PPP6C: variants seen among roughly 807,000 people sequenced by gnomAD.
The protein encoded by PPP6C is serine/threonine-protein phosphatase 6 catalytic subunit.
A neutral mutation model predicts 39.8 loss-of-function variants in PPP6C; 11 were observed. The ratio of observed to expected loss-of-function variants is 0.28; its 90% confidence interval spans 0.17 to 0.46. The LOEUF (loss-of-function observed/expected upper bound fraction) is 0.46. Ranked by LOEUF, PPP6C falls within the 20% of genes least tolerant of loss-of-function variation. PPP6C has a pLI of 1.00. For synonymous variants in PPP6C, 129 were observed against 130.3 expected, an observed-to-expected ratio of 0.99 and a Z score of 0.07; for missense variants, 211 against 373.9, an observed-to-expected ratio of 0.56 and a Z score of 3.59.
intron 2 of PPP6C, among the ~76,000 whole-genome samples, chr9:125,170,206 A>G (rs1178953657): frequency 6.6e-6 from 1 of 151,738 alleles, no homozygotes; most frequent in African/African-American, 2.4e-5. Context: ...GAATCTAAAT[A>G]TGAGGTATGC....
intron 1 of PPP6C, among the ~76,000 whole-genome samples, chr9:125,176,431 G>T (rs148599628): frequency 6.6e-6 from 1 of 152,144 alleles, no homozygotes; most frequent in African/African-American, 2.4e-5. Context: ...CGAGGTGAGC[G>T]TATCACTTGA....
intron 6 of PPP6C, among the ~76,000 whole-genome samples, chr9:125,152,114 G>T (rs9644949): frequency 1.3e-5 from 2 of 152,048 alleles, no homozygotes; most frequent in Non-Finnish European, 2.9e-5. Flanking sequence ...TGGGGTAGGG[G>T]GTGGGGGGTG....
At chr9:125,167,715 A>ATT in intron 2 of PPP6C, among the ~76,000 whole-genome samples, 1 of 141,190 alleles carries the variant, frequency 7.1e-6, no homozygotes, top group Admixed American at 7.7e-5. Context: ...AAAAAAAAAA[A>ATT]TTTTTTTTTT....
intron 4 of PPP6C, 121 bp downstream of exon 4, chr9:125,158,120 G>A (rs1836125940): frequency 2.0e-6 from 2 of 1,003,188 alleles, no homozygotes; most frequent in Non-Finnish European, 2.9e-6. Context: ...TTTGGGAGGA[G>A]TGAAGGAGTG....
At chr9:125,174,863 G>A (rs945706131) in intron 1 of PPP6C, among the ~76,000 whole-genome samples, 1 of 151,902 alleles carries the variant, frequency 6.6e-6, no homozygotes, top group South Asian at 2.1e-4. Flanking sequence ...AGTGTGCCGA[G>A]ATCGCGCCAC....
intron 2 of PPP6C, among the ~76,000 whole-genome samples, chr9:125,170,017 C>T (rs1226179018): frequency 6.6e-6 from 1 of 152,134 alleles, no homozygotes; most frequent in Non-Finnish European, 1.5e-5. Context: ...AGGGAAATTG[C>T]ACAGGTGACA....
In PPP6C at chr9:125,149,591, A is replaced by C. The variant is rs1835888666; in HGVS notation, c.*82T>G. ...CATTTCAGCAGCAAAGTGCTCAATA[A>C]AAAGTATATTGTAGAGGGTAATACA... On this transcript the variant is annotated 3_prime_UTR_variant, in exon 7 of 7. Coordinates refer to ENST00000373547, the MANE Select transcript of PPP6C (RefSeq NM_002721.5). 1.3e-5 allele frequency: 18 copies of C among 1,431,338 alleles called. No individual in the cohort carries two copies. The highest frequency in any genetic ancestry group is 1.7e-5 in the Non-Finnish European group (18 of 1,067,034). 88.7% of individuals were successfully genotyped at this position (1,431,338 alleles called of 1,614,324 possible). A position where few individuals can be genotyped will look rare whatever the true frequency, so the allele number is the denominator to read the frequency against.
chr9:125,187,458 GTT>G (rs1334557949), intron 1 of PPP6C, among the ~76,000 whole-genome samples: 1 of 151,486 alleles, frequency 6.6e-6, no homozygotes, highest in Non-Finnish European at 1.5e-5. Flanking sequence ...TAATTTCTGT[GTT>G]TTTAGTAGAG....
chr9:125,180,324 A>T (rs1036170361), intron 1 of PPP6C, among the ~76,000 whole-genome samples: 3 of 152,202 alleles, frequency 2.0e-5, no homozygotes, highest in Non-Finnish European at 4.4e-5. Context: ...CCTATGATAC[A>T]TATTTATTTT....
intron 1 of PPP6C, among the ~76,000 whole-genome samples, chr9:125,188,202 G>A (rs982981424): frequency 2.0e-5 from 3 of 151,726 alleles, no homozygotes; most frequent in South Asian, 4.2e-4. Flanking sequence ...TGGCTAACAC[G>A]GTGAAACCCC....
At chr9:125,164,583 TAAG>T (rs1239888010) in intron 2 of PPP6C, among the ~76,000 whole-genome samples, 3 of 152,070 alleles carry the variant, frequency 2.0e-5, no homozygotes, top group African/African-American at 7.2e-5. Context: ...AAAACAATCT[TAAG>T]AAGTAGATTT....
At position 125,148,470 on chromosome 9, in the gene PPP6C, G is replaced by T. The variant is rs1000416380; in HGVS notation, c.*1203C>A. ...ATATTCAAATTACTTACACAAAGCT[G>T]AAATATGGTATCACAGACCTTTGCA... On this transcript the variant is annotated 3_prime_UTR_variant, in exon 7 of 7. Transcript: ENST00000373547. 5.3e-5 allele frequency: 8 copies of T among 151,278 alleles called. No homozygotes were observed. Among genetic ancestry groups the T allele is most frequent in the Admixed American group, 2.6e-4 (4 of 15,142 alleles). 9.4% of individuals were successfully genotyped at this position (151,278 alleles called of 1,614,324 possible). A position where few individuals can be genotyped will look rare whatever the true frequency, so the allele number is the denominator to read the frequency against.
chr9:125,158,715 G>A (rs567075692), intron 3 of PPP6C, among the ~76,000 whole-genome samples: 3 of 151,018 alleles, frequency 2.0e-5, no homozygotes, highest in African/African-American at 7.3e-5. Flanking sequence ...AGGCTGGAGT[G>A]CAGTGGCACA....
chr9:125,160,491 A>C (rs1162783054), intron 3 of PPP6C, among the ~76,000 whole-genome samples: 2 of 152,222 alleles, frequency 1.3e-5, no homozygotes, highest in African/African-American at 4.8e-5. Flanking sequence ...TGTTCTCATG[A>C]CAATAAGTCT....
intron 1 of PPP6C, 86 bp downstream of exon 1, chr9:125,189,558 A>G: frequency 6.3e-7 from 1 of 1,592,866 alleles, no homozygotes; most frequent in South Asian, 1.1e-5. Context: ...ACTGGACTGG[A>G]TACCCGGCGG....
At chr9:125,157,967 G>C (rs1263662557) in intron 4 of PPP6C, among the ~76,000 whole-genome samples, 1 of 152,050 alleles carries the variant, frequency 6.6e-6, no homozygotes, top group African/African-American at 2.4e-5. Flanking sequence ...GAGATTACAG[G>C]TGTGAGCCAC....
rs1009847968 is a variant in PPP6C at position 125,147,748 on chromosome 9, G to A, written c.*1925C>T. 4.6e-5 allele frequency: 7 copies of A among 152,098 alleles called. No individual in the cohort carries two copies. The highest frequency in any genetic ancestry group is 2.1e-4 in the South Asian group (1 of 4,846). The allele number at this position is 152,098 out of a possible 1,614,324, so 9.4% of individuals were successfully genotyped here. On this transcript the variant is annotated 3_prime_UTR_variant, in exon 7 of 7. Coordinates refer to ENST00000373547, the MANE Select transcript of PPP6C (RefSeq NM_002721.5). ...CAAACAGGGAGGGCTGGGAGTTACC[G>A]GTTCTATTAGTACAACTTAAGTGGA...
intron 4 of PPP6C, among the ~76,000 whole-genome samples, chr9:125,155,821 C>A (rs1836055344): frequency 6.7e-6 from 1 of 149,538 alleles, no homozygotes; most frequent in Non-Finnish European, 1.5e-5. Context: ...AGGAGAATGG[C>A]GTGAACCCAG....
At chr9:125,164,078 T>C (rs2131316002) in intron 2 of PPP6C, among the ~76,000 whole-genome samples, 1 of 152,118 alleles carries the variant, frequency 6.6e-6, no homozygotes, top group Non-Finnish European at 1.5e-5. Context: ...CCTCAGGTGA[T>C]CCACCCGCTT....
Sources: allele counts gnomAD v4.1 joint callset (sites outside exome capture counted in the v4.1 genomes callset), GRCh38; gene constraint gnomAD v4.1.1; transcripts MANE v1.5; gene names NCBI Gene and HGNC (gene_info 2026-07-23, HGNC 2026-07-21).